GRM7: variants seen among roughly 807,000 people sequenced by gnomAD.
The protein encoded by GRM7 is glutamate metabotropic receptor 7.
A neutral mutation model predicts 84.5 loss-of-function variants in GRM7; 35 were observed. That is an observed-to-expected ratio of 0.41 (90% CI 0.32 to 0.55). The LOEUF (loss-of-function observed/expected upper bound fraction) is 0.55, where lower values mean the gene tolerates loss of function less well. GRM7 is among the 20% of genes least tolerant of loss of function. GRM7 has a pLI of 0.19. For missense variants in GRM7, 1,003 were observed against 1,194.6 expected (o/e 0.84, Z 2.36); for synonymous variants, 487 against 455.1 (o/e 1.07, Z -0.89).
At chr3:7,217,695 TTATAA>T (rs147231226) in intron 2 of GRM7, among the ~76,000 whole-genome samples, 5,303 of 148,904 alleles carry the variant, frequency 0.036, 319 homozygotes, top group African/African-American at 0.12. Flanking sequence ...TATAAATATT[TTATAA>T]TATAAAATAT....
intron 1 of GRM7, among the ~76,000 whole-genome samples, chr3:7,035,365 T>C (rs755482018): frequency 6.6e-6 from 1 of 152,070 alleles, no homozygotes; most frequent in South Asian, 2.1e-4. Context: ...AGATAAAATA[T>C]GGTCACGTGA....
At chr3:7,351,354 A>C (rs987917947) in intron 4 of GRM7, among the ~76,000 whole-genome samples, 2 of 150,850 alleles carry the variant, frequency 1.3e-5, no homozygotes, top group African/African-American at 4.9e-5. Flanking sequence ...AAAAAAAAAA[A>C]AAAAAAAAAC....
At chr3:7,628,718 G>C (rs541629644) in intron 8 of GRM7, among the ~76,000 whole-genome samples, 1 of 152,186 alleles carries the variant, frequency 6.6e-6, no homozygotes, top group Non-Finnish European at 1.5e-5. Context: ...TGAGAGTTGA[G>C]AGAGGGGCAC....
chr3:7,545,780 A>G (rs1693119467), intron 7 of GRM7, among the ~76,000 whole-genome samples: 1 of 152,160 alleles, frequency 6.6e-6, no homozygotes, highest in African/African-American at 2.4e-5. Context: ...TGCTGATTAT[A>G]TGGGTGTGCT....
rs112287204 is a variant in GRM7, at chr3:6,862,126, G to C, written c.519+219G>C. On this transcript the variant is annotated intron_variant, in intron 1 of 9. Transcript: ENST00000357716. The surrounding 1 kb of genome is among the most constrained non-coding windows in gnomAD (Gnocchi z 5.2). ...CCCTGTCCACGCTCCACTCCATCCG[G>C]CTTGACATCTGGATTTATGGCCCCA... is the stretch of plus-strand genomic sequence containing the variant. Among the ~76,000 whole-genome samples, 1,641 of 152,082 alleles carry C rather than the reference G, an allele frequency of 0.011. 14 individuals carry two copies. The highest frequency in any genetic ancestry group is 0.018 in the Non-Finnish European group (1,214 of 67,988).
At chr3:7,084,088 G>A (rs982664078) in intron 1 of GRM7, among the ~76,000 whole-genome samples, 5 of 152,158 alleles carry the variant, frequency 3.3e-5, no homozygotes, top group African/African-American at 9.7e-5. Flanking sequence ...AGGGGGCAGG[G>A]ATCTGAGCAG....
intron 1 of GRM7, among the ~76,000 whole-genome samples, chr3:7,111,723 T>C (rs974177163): frequency 3.3e-5 from 5 of 152,180 alleles, no homozygotes; most frequent in Admixed American, 6.5e-5. Context: ...TTGAATTCTA[T>C]AGTATGCATG....
chr3:7,729,545 C>G (rs940292018), intron 9 of GRM7, among the ~76,000 whole-genome samples: 4 of 152,040 alleles, frequency 2.6e-5, no homozygotes, highest in African/African-American at 9.7e-5. Context: ...GTGTTTTTAA[C>G]CAAACATATA....
chr3:6,875,558 C>T (rs1695272605), intron 1 of GRM7, among the ~76,000 whole-genome samples: 1 of 152,168 alleles, frequency 6.6e-6, no homozygotes, highest in African/African-American at 2.4e-5. Flanking sequence ...CCGTGTGGAA[C>T]TGTGAGTCAA....
chr3:7,267,307 C>A (rs1032245740), intron 2 of GRM7, among the ~76,000 whole-genome samples: 3 of 152,220 alleles, frequency 2.0e-5, no homozygotes, highest in Admixed American at 2.0e-4. Flanking sequence ...GAACAAGGAT[C>A]TCCAATAACA....
intron 1 of GRM7, among the ~76,000 whole-genome samples, chr3:6,995,286 C>T (rs969579773): frequency 7.9e-5 from 12 of 152,308 alleles, no homozygotes; most frequent in African/African-American, 2.9e-4. Context: ...ATTCCAACTA[C>T]TCAAGTTTGT....
At chr3:6,875,183 T>C (rs1258739974) in intron 1 of GRM7, among the ~76,000 whole-genome samples, 5 of 152,176 alleles carry the variant, frequency 3.3e-5, no homozygotes, top group Non-Finnish European at 7.4e-5. Flanking sequence ...ATTGTAGCTA[T>C]TTTTTTAAAT....
chr3:7,162,384 A>G (rs1694653182), intron 2 of GRM7, among the ~76,000 whole-genome samples: 1 of 152,180 alleles, frequency 6.6e-6, no homozygotes, highest in African/African-American at 2.4e-5. Context: ...ACAAGGAGTT[A>G]AAGTGTCCCA....
chr3:7,226,143 G>T (rs1310534820), intron 2 of GRM7, among the ~76,000 whole-genome samples: 1 of 152,130 alleles, frequency 6.6e-6, no homozygotes, highest in African/African-American at 2.4e-5. Context: ...TTTAGAGCAG[G>T]TCTATTCATC....
chr3:7,471,593 C>T (rs896580360), intron 7 of GRM7, among the ~76,000 whole-genome samples: 1 of 152,140 alleles, frequency 6.6e-6, no homozygotes, highest in Non-Finnish European at 1.5e-5. Flanking sequence ...ATTGATTCTC[C>T]TGTCTTCCTC....
intron 2 of GRM7, among the ~76,000 whole-genome samples, chr3:7,181,556 A>T (rs964771664): frequency 1.4e-4 from 21 of 152,142 alleles, no homozygotes; most frequent in African/African-American, 4.6e-4. Flanking sequence ...CCTTTCCTCC[A>T]GCTTTCAAAA....
chr3:6,967,686 T>C lies in GRM7; in HGVS notation c.519+105779T>C, dbSNP rs1054445855. Among the ~76,000 whole-genome samples, 3 of 152,226 alleles carry C rather than the reference T, an allele frequency of 2.0e-5. No individual in the cohort carries two copies. In the East Asian group the frequency reaches 5.8e-4, roughly 29 times the overall value. The stretch of plus-strand genomic sequence containing the variant: ...CAATAAGGATGAACAACGTTATATA[T>C]TGATACAGAACAAATATAAAACAAA... On this transcript the variant is annotated intron_variant, in intron 1 of 9. Coordinates refer to ENST00000357716, the MANE Select transcript of GRM7 (RefSeq NM_000844.4).
chr3:7,189,653 G>A (rs966220093), intron 2 of GRM7, among the ~76,000 whole-genome samples: 1 of 152,026 alleles, frequency 6.6e-6, no homozygotes, highest in African/African-American at 2.4e-5. Flanking sequence ...TTACATGATG[G>A]GATAATAGAC....
At chr3:7,669,225 A>G (rs1406332485) in intron 8 of GRM7, among the ~76,000 whole-genome samples, 1 of 152,224 alleles carries the variant, frequency 6.6e-6, no homozygotes, top group African/African-American at 2.4e-5. Flanking sequence ...AAAATAATAC[A>G]TCCTATAAGC....
Sources: allele counts gnomAD v4.1 joint callset (sites outside exome capture counted in the v4.1 genomes callset), GRCh38; gene constraint gnomAD v4.1.1; non-coding constraint Gnocchi (gnomAD v3.1); transcripts MANE v1.5; gene names NCBI Gene and HGNC (gene_info 2026-07-23, HGNC 2026-07-21).